IRAK1BP1: variants seen among roughly 807,000 people sequenced by gnomAD.
IRAK1BP1 encodes the protein interleukin-1 receptor-associated kinase 1-binding protein 1.
A neutral mutation model predicts 28.0 loss-of-function variants in IRAK1BP1; 24 were observed. The observed-to-expected ratio is 0.86, with a 90% CI of 0.62 to 1.20. The LOEUF is 1.20. Among genes scored for constraint, IRAK1BP1 ranks in the 50% most tolerant of loss-of-function variants. IRAK1BP1 has a pLI of 0.00. For synonymous variants in IRAK1BP1, 131 were observed against 116.3 expected, an observed-to-expected ratio of 1.13 and a Z score of -0.81; for missense variants, 336 against 316.7, an observed-to-expected ratio of 1.06 and a Z score of -0.46.
chr6:78,930,591 T>C (rs903839292), intron 4 of IRAK1BP1, among the ~76,000 whole-genome samples: 2 of 152,154 alleles, frequency 1.3e-5, no homozygotes, highest in Non-Finnish European at 2.9e-5. Context: ...TATAGGTAGC[T>C]GACACTAAAC....
intron 1 of IRAK1BP1, among the ~76,000 whole-genome samples, chr6:78,868,875 T>A (rs979104570): frequency 6.6e-6 from 1 of 152,226 alleles, no homozygotes; most frequent in Non-Finnish European, 1.5e-5. Context: ...ATGTAACTTA[T>A]CCAGGATGAC....
intron 4 of IRAK1BP1, among the ~76,000 whole-genome samples, chr6:78,927,995 C>T (rs1023627451): frequency 1.3e-5 from 2 of 152,088 alleles, no homozygotes; most frequent in African/African-American, 4.8e-5. Flanking sequence ...GTTCCTTTTA[C>T]TTACAATAGT....
rs74981562 is a variant in IRAK1BP1 at position 78,912,983 on chromosome 6, G to A, written c.*67+9873G>A. Among the ~76,000 whole-genome samples the A allele has an allele frequency of 5.2e-3, 789 of 152,254 alleles. 11 individuals carry two copies. The highest frequency in any genetic ancestry group is 0.018 in the African/African-American group (743 of 41,538). Reference sequence around the variant, plus strand: ...GATCTATAAGCATATATATGTGGGTGTGTATGTGTGTGTGTCATGGTCTAA... The same window carrying A: ...GATCTATAAGCATATATATGTGGGTATGTATGTGTGTGTGTCATGGTCTAA... On this transcript the variant is annotated intron_variant and NMD_transcript_variant, in intron 4 of 4. Transcript: ENST00000606868.
chr6:78,921,700 C>T lies in IRAK1BP1; in HGVS notation c.*67+18590C>T, dbSNP rs554995879. On this transcript the variant is annotated intron_variant and NMD_transcript_variant, in intron 4 of 4. Transcript: ENST00000606868. Reference sequence around the variant, plus strand: ...AGTAGGGGCAGACTGACACCTCACACGGGCAGGTACTCCTCTGAGACAAAA... The same window carrying T: ...AGTAGGGGCAGACTGACACCTCACATGGGCAGGTACTCCTCTGAGACAAAA... 3.9e-5 allele frequency among the ~76,000 whole-genome samples: 6 copies of T among 152,290 alleles called. No individual in the cohort carries two copies. In the East Asian group the frequency reaches 5.8e-4, roughly 15 times the overall value.
downstream of IRAK1BP1, among the ~76,000 whole-genome samples, chr6:78,908,034 A>AT (rs1772304863): frequency 8.3e-6 from 1 of 120,432 alleles, no homozygotes; most frequent in South Asian, 2.5e-4. Context: ...TTTTTATTTT[A>AT]TTTATTTATT....
Position 78,902,148 on chromosome 6 carries a change from T to C in IRAK1BP1, c.*3814T>C, listed in dbSNP as rs1357707955. 6.6e-6 allele frequency: 1 copy of C among 152,230 alleles called. No homozygotes were observed. Among genetic ancestry groups the C allele is most frequent in the Non-Finnish European group, 1.5e-5 (1 of 68,036 alleles). The allele number at this position is 152,230 out of a possible 1,614,324, so 9.4% of individuals were successfully genotyped here. On this transcript the variant is annotated 3_prime_UTR_variant, in exon 4 of 4. Transcript: ENST00000369940. ...ATTTGCAACCAAATCACTGAGTTTG[T>C]TGTTGTCGTTGTTTGAGGCTGTTGC...
downstream of IRAK1BP1, chr6:78,946,845 A>T (rs2275291): frequency 0.29 from 456,719 of 1,567,480 alleles, 69,023 homozygotes; most frequent in Admixed American, 0.31. Flanking sequence ...CTTCAAAGAA[A>T]GCAGACAGGC....
Position 78,903,045 on chromosome 6 carries a change from C to T in IRAK1BP1, c.*4711C>T. On this transcript the variant is annotated 3_prime_UTR_variant, in exon 4 of 4. Transcript: ENST00000369940. ...CAACCAACAATTACTCCCAGATAGC[C>T]ATGTCACCTGTGAATTATCATGAAT... 1 of 1,533,824 alleles carries T rather than the reference C, an allele frequency of 6.5e-7. No homozygotes were observed. The highest frequency in any genetic ancestry group is 8.7e-7 in the Non-Finnish European group (1 of 1,144,978).
intron 4 of IRAK1BP1, among the ~76,000 whole-genome samples, chr6:78,930,742 G>A: frequency 6.6e-6 from 1 of 151,978 alleles, no homozygotes; most frequent in Non-Finnish European, 1.5e-5. Flanking sequence ...GACCAACCTG[G>A]CCAACATGGT....
chr6:78,959,896 A>G, the IRAK1BP1 span, among the ~76,000 whole-genome samples: 1 of 152,174 alleles, frequency 6.6e-6, no homozygotes, highest in Non-Finnish European at 1.5e-5. Context: ...AACCTAGCAA[A>G]TATTTTACCT....
At chr6:78,969,217 C>T in the IRAK1BP1 span, among the ~76,000 whole-genome samples, 16 of 152,284 alleles carry the variant, frequency 1.1e-4, no homozygotes, top group Admixed American at 4.6e-4. Context: ...CATGTCAATG[C>T]GTTCTAGTGG....
the IRAK1BP1 span, chr6:78,970,847 C>A: frequency 6.2e-7 from 1 of 1,611,070 alleles, no homozygotes; most frequent in East Asian, 2.2e-5. Flanking sequence ...TTTTCCGGGC[C>A]ATTTCGACAT....
chr6:78,890,812 A>G (rs1206502371), intron 2 of IRAK1BP1, among the ~76,000 whole-genome samples: 1 of 152,212 alleles, frequency 6.6e-6, no homozygotes, highest in Non-Finnish European at 1.5e-5. Context: ...ACGGTAATAC[A>G]AGGACAAGCA....
chr6:78,934,048 AGGC>A (rs1773165148), intron 4 of IRAK1BP1, among the ~76,000 whole-genome samples: 1 of 152,182 alleles, frequency 6.6e-6, no homozygotes, highest in Non-Finnish European at 1.5e-5. Flanking sequence ...GAACATTTAG[AGGC>A]CACGGTAGGG....
chr6:78,912,597 C>G (rs139561044), intron 4 of IRAK1BP1, among the ~76,000 whole-genome samples: 54 of 152,218 alleles, frequency 3.5e-4, no homozygotes, highest in African/African-American at 1.2e-3. Flanking sequence ...TACAAAGGAA[C>G]TACAGGAAAT....
the IRAK1BP1 span, chr6:78,978,521 A>G: frequency 1.6e-6 from 2 of 1,266,958 alleles, no homozygotes. Flanking sequence ...CCAGAAGTCT[A>G]TTTCAAGAGC....
intron 4 of IRAK1BP1, among the ~76,000 whole-genome samples, chr6:78,926,199 G>A (rs529720622): frequency 6.6e-6 from 1 of 152,212 alleles, no homozygotes; most frequent in South Asian, 2.1e-4. Flanking sequence ...GCAAAGAAAA[G>A]GGAATGCTTA....
In IRAK1BP1 at chr6:78,901,135, A is replaced by G. The variant is rs1401227129; in HGVS notation, c.*2801A>G. On this transcript the variant is annotated 3_prime_UTR_variant, in exon 4 of 4. Coordinates refer to ENST00000369940, the MANE Select transcript of IRAK1BP1 (RefSeq NM_001010844.4). ...ATGGGTTCATGCTGTATTTGGTTGC[A>G]TCATATTTGATAAAGAAGCTTCCAA... The G allele has an allele frequency of 1.3e-5, 2 of 151,580 alleles. No homozygotes were observed. Among genetic ancestry groups the G allele is most frequent in the Admixed American group, 6.6e-5 (1 of 15,196 alleles). The allele number at this position is 151,580 out of a possible 1,614,324, so 9.4% of individuals were successfully genotyped here. A position where few individuals can be genotyped will look rare whatever the true frequency, so the allele number is the denominator to read the frequency against.
In IRAK1BP1 at chr6:78,885,508, A is replaced by G. The variant is rs561936846; in HGVS notation, c.381+65A>G. 871 of 743,044 alleles carry G rather than the reference A, an allele frequency of 1.2e-3. 2 individuals carry two copies. Among genetic ancestry groups the G allele is most frequent in the Non-Finnish European group, 1.1e-3 (514 of 452,158 alleles). The allele number at this position is 743,044 out of a possible 1,614,324, so 46.0% of individuals were successfully genotyped here. On this transcript the variant is annotated intron_variant, in intron 2 of 3. Coordinates refer to ENST00000369940, the MANE Select transcript of IRAK1BP1 (RefSeq NM_001010844.4). ...TGGAGACAGTCATTTTTATTCTTGA[A>G]CTGAAATGAATGGTGAAAAATGCTT...
Sources: allele counts gnomAD v4.1 joint callset (sites outside exome capture counted in the v4.1 genomes callset), GRCh38; gene constraint gnomAD v4.1.1; transcripts MANE v1.5; gene names NCBI Gene and HGNC (gene_info 2026-07-23, HGNC 2026-07-21).